The following DPYD variants were observed in gnomAD, a reference collection of about 807,000 sequenced individuals.
DPYD encodes dihydropyrimidine dehydrogenase [NADP(+)].
A neutral mutation model predicts 116.2 loss-of-function variants in DPYD; 109 were observed. The ratio of observed to expected loss-of-function variants is 0.94; its 90% CI spans 0.80 to 1.10. DPYD has a LOEUF of 1.10. DPYD is among the 50% of genes least tolerant of loss of function. The pLI is 0.00. For synonymous variants in DPYD, 440 were observed against 432.0 expected (o/e 1.02, Z -0.23); for missense variants, 1,302 against 1,254.5 (o/e 1.04, Z -0.57).
intron 1 of DPYD, among the ~76,000 whole-genome samples, chr1:97,904,778 T>C (rs1285348543): frequency 2.6e-5 from 4 of 152,028 alleles, no homozygotes; most frequent in South Asian, 2.1e-4. Context: ...GTTAATCAGC[T>C]TGTTTACTTT....
intron 20 of DPYD, among the ~76,000 whole-genome samples, chr1:97,166,208 G>C (rs748998489): frequency 1.3e-5 from 2 of 152,144 alleles, no homozygotes; most frequent in Non-Finnish European, 2.9e-5. Flanking sequence ...TGGCAGATTA[G>C]ATAAAGAAAA....
chr1:97,598,338 T>G (rs1655016749), intron 8 of DPYD, among the ~76,000 whole-genome samples: 1 of 152,172 alleles, frequency 6.6e-6, no homozygotes, highest in African/African-American at 2.4e-5. Flanking sequence ...TAGGATGATT[T>G]CAAAATGACA....
At chr1:97,400,212 G>C (rs1673290466) in intron 14 of DPYD, among the ~76,000 whole-genome samples, 20 of 152,086 alleles carry the variant, frequency 1.3e-4, no homozygotes. Flanking sequence ...ATAATCATGT[G>C]GTTTTTGTCA....
chr1:97,112,336 T>A (rs879684511), intron 20 of DPYD, among the ~76,000 whole-genome samples: 9 of 152,136 alleles, frequency 5.9e-5, no homozygotes, highest in African/African-American at 2.2e-4. Flanking sequence ...ATACACTGTA[T>A]AAAGTCAGGA....
chr1:97,731,745 G>T (rs1280680210), intron 4 of DPYD, among the ~76,000 whole-genome samples: 1 of 151,716 alleles, frequency 6.6e-6, no homozygotes, highest in Non-Finnish European at 1.5e-5. Context: ...CTGTTACATT[G>T]ACTTTTACTT....
chr1:97,082,569 C>T, intron 21 of DPYD, 99 bp from the exon 22 acceptor site: 1 of 1,395,310 alleles, frequency 7.2e-7, no homozygotes, highest in Non-Finnish European at 1.0e-6. Flanking sequence ...TACAATGTTG[C>T]ATTATATTAA....
intron 4 of DPYD, among the ~76,000 whole-genome samples, chr1:97,739,694 G>A (rs1664155457): frequency 6.6e-6 from 1 of 152,012 alleles, no homozygotes; most frequent in Non-Finnish European, 1.5e-5. Context: ...TTCAGCCTTT[G>A]CTCATCCTTA....
chr1:97,814,627 C>G (rs1321464121), intron 3 of DPYD, among the ~76,000 whole-genome samples: 3 of 152,026 alleles, frequency 2.0e-5, no homozygotes, highest in Non-Finnish European at 1.5e-5. Context: ...AAAGATGATG[C>G]TACTGCCATT....
intron 19 of DPYD, among the ~76,000 whole-genome samples, chr1:97,197,974 A>C (rs7513333): frequency 0.73 from 110,932 of 152,088 alleles, 42,053 homozygotes; most frequent in East Asian, 0.99. Flanking sequence ...ACGTACCTTT[A>C]CAAAATGAGT....
At chr1:97,335,299 T>TAC (rs35371362) in intron 16 of DPYD, among the ~76,000 whole-genome samples, 24,367 of 136,002 alleles carry the variant, frequency 0.18, 2,376 homozygotes, top group East Asian at 0.22. Flanking sequence ...TGGAGTTAAG[T>TAC]ACACACACAC....
intron 18 of DPYD, among the ~76,000 whole-genome samples, chr1:97,298,464 A>T (rs564917226): frequency 4.6e-5 from 7 of 152,298 alleles, no homozygotes; most frequent in African/African-American, 1.7e-4. Flanking sequence ...TTAAATAAAA[A>T]TATTTTTCTT....
intron 2 of DPYD, among the ~76,000 whole-genome samples, chr1:97,846,763 T>A (rs1274566329): frequency 1.3e-5 from 2 of 152,240 alleles, no homozygotes; most frequent in African/African-American, 4.8e-5. Context: ...TTATGTAGCA[T>A]CATTGTCTTA....
At chr1:97,663,143 T>C (rs1340158017) in intron 8 of DPYD, among the ~76,000 whole-genome samples, 1 of 152,204 alleles carries the variant, frequency 6.6e-6, no homozygotes, top group Non-Finnish European at 1.5e-5. Flanking sequence ...CAGCCAAGGA[T>C]ACCAAATCTA....
At position 97,514,126 on chromosome 1, in the gene DPYD, A is replaced by G. The variant is rs565967873; in HGVS notation, c.1740+1600T>C. Reference sequence around the variant, plus strand: ...TTTTGAACCAGCATCACACACTTCTAAATTGATAGATTAAATTCAAATTGG... The same window carrying G: ...TTTTGAACCAGCATCACACACTTCTGAATTGATAGATTAAATTCAAATTGG... On this transcript the variant is annotated intron_variant, in intron 13 of 22. Coordinates refer to ENST00000370192, the MANE Select transcript of DPYD (RefSeq NM_000110.4). The G allele has an allele frequency of 5.7e-6, 5 of 876,530 alleles. No homozygotes were observed. The East Asian group carries it at 4.9e-4, about 86-fold the overall frequency. 54.3% of individuals were successfully genotyped at this position (876,530 alleles called of 1,614,324 possible).
At chr1:97,106,905 A>G (rs953475576) in intron 20 of DPYD, among the ~76,000 whole-genome samples, 1 of 152,180 alleles carries the variant, frequency 6.6e-6, no homozygotes, top group African/African-American at 2.4e-5. Flanking sequence ...TTGGCTGCAT[A>G]TAGATATATG....
At chr1:97,888,363 T>A (rs1244646265) in intron 1 of DPYD, among the ~76,000 whole-genome samples, 15 of 151,898 alleles carry the variant, frequency 9.9e-5, no homozygotes, top group Non-Finnish European at 2.2e-4. Flanking sequence ...GCCTCAATGA[T>A]ATGTGATACA....
chr1:97,274,847 C>T (rs1471876552), intron 18 of DPYD, among the ~76,000 whole-genome samples: 2 of 152,180 alleles, frequency 1.3e-5, no homozygotes, highest in African/African-American at 4.8e-5. Context: ...ATATGCCAGG[C>T]AAGTCTCTGA....
intron 14 of DPYD, among the ~76,000 whole-genome samples, chr1:97,409,184 A>T (rs192663961): frequency 6.6e-6 from 1 of 152,300 alleles, no homozygotes; most frequent in East Asian, 1.9e-4. Context: ...TTTTGTAAAG[A>T]TTATTAAACA....
intron 21 of DPYD, chr1:97,095,938 A>C (rs1241548138): frequency 6.6e-6 from 1 of 152,102 alleles, no homozygotes; most frequent in Non-Finnish European, 1.5e-5. Context: ...GAGAAAATCT[A>C]CCACAGCTGC....
Sources: gnomAD v4.1 joint callset for allele counts (sites outside exome capture counted in the v4.1 genomes callset) on GRCh38, gnomAD v4.1.1 for gene constraint, MANE v1.5 for transcripts, NCBI Gene and HGNC (gene_info 2026-07-23, HGNC 2026-07-21) for gene names.